The following AURKA variants were observed in gnomAD, a reference collection of about 807,000 sequenced individuals.
AURKA encodes the protein aurora 2.
A neutral mutation model predicts 40.9 loss-of-function variants in AURKA; 12 were observed. The observed-to-expected ratio is 0.29, with a 90% CI of 0.19 to 0.48. AURKA has a LOEUF of 0.48. Ranked by LOEUF, AURKA falls within the 20% of genes least tolerant of loss-of-function variation. The probability of loss-of-function intolerance (pLI) is 0.99; values close to 1 mark genes in which losing one functional copy is unlikely to be tolerated. For missense variants in AURKA, 322 were observed against 462.1 expected (o/e 0.70, Z 2.78); for synonymous variants, 170 against 164.3 (o/e 1.03, Z -0.26).
chr20:56,387,152 GTAT>G (rs1053995896), intron 2 of AURKA, among the ~76,000 whole-genome samples: 1 of 151,982 alleles, frequency 6.6e-6, no homozygotes, highest in South Asian at 2.1e-4. Flanking sequence ...CTACTAAAAT[GTAT>G]TATTATTATT....
intron 6 of AURKA, among the ~76,000 whole-genome samples, chr20:56,378,280 C>A (rs1296060683): frequency 1.3e-5 from 2 of 152,162 alleles, no homozygotes; most frequent in Non-Finnish European, 2.9e-5. Context: ...GAATTGTTAA[C>A]CAGCTGCCCC....
At chr20:56,391,806 C>G (rs937053023) in intron 1 of AURKA, 1 of 152,240 alleles carries the variant, frequency 6.6e-6, no homozygotes, top group Non-Finnish European at 1.5e-5. Flanking sequence ...GTCTCCCCAC[C>G]CACTAGAACG....
At chr20:56,390,588 T>A (rs1986967260) in intron 1 of AURKA, 1 of 152,106 alleles carries the variant, frequency 6.6e-6, no homozygotes. Context: ...ATTACGGGCA[T>A]GAGCCACCGC....
intron 7 of AURKA, 69 bp from the exon 8 acceptor site, chr20:56,370,728 T>A (rs1984044367): frequency 3.9e-6 from 6 of 1,553,890 alleles, no homozygotes; most frequent in Non-Finnish European, 5.3e-6. Context: ...CTAACAATCA[T>A]TAAAGAGTCC....
chr20:56,379,181 A>G (rs147197281), intron 6 of AURKA, among the ~76,000 whole-genome samples: 41 of 152,342 alleles, frequency 2.7e-4, no homozygotes, highest in African/African-American at 9.6e-4. Context: ...TATAAGACAA[A>G]GGCCAAAGGA....
rs971929893 is a variant in AURKA, at chr20:56,369,452, T to TA, written c.*705dup. The TA allele has an allele frequency of 1.7e-5, 4 of 235,552 alleles. No homozygotes were observed. The highest frequency in any genetic ancestry group is 2.5e-5 in the Non-Finnish European group (3 of 119,570). The allele number at this position is 235,552 out of a possible 1,614,324, so 14.6% of individuals were successfully genotyped here. On this transcript the variant is annotated 3_prime_UTR_variant, in exon 9 of 9. Coordinates refer to ENST00000395915, the MANE Select transcript of AURKA (RefSeq NM_198437.3). ...CACACATGCTATGACTCCAATGTTT[T>TA]AAAAAAATAAGCCCTTAACAGCTCT...
intron 6 of AURKA, among the ~76,000 whole-genome samples, chr20:56,378,623 C>G (rs559784103): frequency 5.3e-5 from 8 of 152,172 alleles, no homozygotes; most frequent in Admixed American, 3.9e-4. Context: ...AAACCAGAAG[C>G]AGCCAAGATA....
Position 56,370,030 on chromosome 20 carries a change from A to C in AURKA, c.*128T>G. The C allele has an allele frequency of 8.1e-7, 1 of 1,240,760 alleles. No individual in the cohort carries two copies. 76.9% of individuals were successfully genotyped at this position (1,240,760 alleles called of 1,614,324 possible). On this transcript the variant is annotated 3_prime_UTR_variant, in exon 9 of 9. Coordinates refer to ENST00000395915, the MANE Select transcript of AURKA (RefSeq NM_198437.3). ...GAGGTTAAGGCACACCTGCTGAGTA[A>C]AACAAATATTTCTTGTGTAGCGTTC...
At chr20:56,390,854 T>C (rs1176315516) in intron 1 of AURKA, among the ~76,000 whole-genome samples, 2 of 152,222 alleles carry the variant, frequency 1.3e-5, no homozygotes, top group Non-Finnish European at 2.9e-5. Flanking sequence ...GCTCTAATGC[T>C]TTACTTCCCT....
At chr20:56,385,768 G>C (rs956698457) in intron 3 of AURKA, among the ~76,000 whole-genome samples, 2 of 152,070 alleles carry the variant, frequency 1.3e-5, no homozygotes, top group Non-Finnish European at 2.9e-5. Context: ...GCCTTCCACA[G>C]TAAACTTTCT....
Position 56,373,863 on chromosome 20 carries a change from T to C in AURKA, c.706-307A>G, listed in dbSNP as rs2146143461. ...TACTTGGGAGGCTGAGGCAGGAGGATTGCTTGAGACCAGGAGGTCAAAGCT... is the reference window on the plus strand; with the variant it reads ...TACTTGGGAGGCTGAGGCAGGAGGACTGCTTGAGACCAGGAGGTCAAAGCT... On this transcript the variant is annotated intron_variant, in intron 6 of 8. Coordinates refer to ENST00000395915, the MANE Select transcript of AURKA (RefSeq NM_198437.3). The surrounding 1 kb of genome is among the most constrained non-coding windows in gnomAD (Gnocchi z 5.0). 6.6e-6 allele frequency among the ~76,000 whole-genome samples: 1 copy of C among 152,288 alleles called. No individual in the cohort carries two copies. Among genetic ancestry groups the C allele is most frequent in the East Asian group, 1.9e-4 (1 of 5,176 alleles).
At chr20:56,380,629 G>A (rs1013972814) in intron 6 of AURKA, among the ~76,000 whole-genome samples, 1 of 152,034 alleles carries the variant, frequency 6.6e-6, no homozygotes, top group Non-Finnish European at 1.5e-5. Flanking sequence ...AATACAGCAC[G>A]GAAAGGGGAA....
chr20:56,370,305 T>A lies in AURKA; in HGVS notation c.1065A>T (p.Gly355=), dbSNP rs779596906. 2.5e-6 allele frequency: 4 copies of A among 1,614,208 alleles called. No individual in the cohort carries two copies. The highest frequency in any genetic ancestry group is 3.4e-6 in the Non-Finnish European group (4 of 1,180,046). ...EFTFPDFVTE[G]ARDLISRLLK... ...ACAGTCTTGAAATGAGGTCCCTGGC[T>A]CCCTCTGTTACAAAGTCAGGGAATG... is the stretch of plus-strand genomic sequence containing the variant. Residue 355 remains glycine, a synonymous_variant, in exon 9 of 9, where the codon GGA becomes GGT. Coordinates refer to ENST00000395915, the MANE Select transcript of AURKA (RefSeq NM_198437.3).
chr20:56,380,884 A>T lies in AURKA; in HGVS notation c.705+549T>A, dbSNP rs562026636. ...TATCAATATTGGTTCATTGAATGTG[A>T]CAAATGTGCCATATTAATGCAAGAT... On this transcript the variant is annotated intron_variant, in intron 6 of 8. Transcript: ENST00000395915. Among the ~76,000 whole-genome samples, 3 of 152,354 alleles carry T rather than the reference A, an allele frequency of 2.0e-5. No individual in the cohort carries two copies. The East Asian group carries it at 5.8e-4, about 29-fold the overall frequency.
rs776571850 is a variant in AURKA, at chr20:56,370,500, G to A, written c.1014C>T (p.Tyr338=). Residue 338 remains tyrosine (Y), a synonymous_variant, in exon 8 of 9, where the codon TAC becomes TAT. Coordinates refer to ENST00000395915, the MANE Select transcript of AURKA (RefSeq NM_198437.3). ...PFEANTYQET[Y]KRISRVEFTF... is the part of the protein sequence containing the mutation. Reference sequence around the variant, plus strand: ...TGCGTCTTACCCGTGATATTCTTTTGTAGGTCTCTTGGTATGTGTTTGCCT... The same window carrying A: ...TGCGTCTTACCCGTGATATTCTTTTATAGGTCTCTTGGTATGTGTTTGCCT... 6.2e-7 allele frequency: 1 copy of A among 1,614,160 alleles called. No homozygotes were observed. Among genetic ancestry groups the A allele is most frequent in the Non-Finnish European group, 8.5e-7 (1 of 1,180,038 alleles).
At chr20:56,383,308 C>T in intron 4 of AURKA, 132 bp from the exon 5 acceptor site, 1 of 972,444 alleles carries the variant, frequency 1.0e-6, no homozygotes, top group Non-Finnish European at 1.6e-6. Flanking sequence ...TCAGCAAGAA[C>T]CAAGGCAATA....
chr20:56,374,523 A>G (rs1984672520), intron 6 of AURKA, among the ~76,000 whole-genome samples: 1 of 152,220 alleles, frequency 6.6e-6, no homozygotes, highest in South Asian at 2.1e-4. Context: ...AGCATGTTAA[A>G]TTTTGGGTTA....
At chr20:56,386,142 T>G in intron 3 of AURKA, 115 bp downstream of exon 3, 1 of 1,440,298 alleles carries the variant, frequency 6.9e-7, no homozygotes, top group African/African-American at 1.4e-5. Flanking sequence ...TTTCTCCCCA[T>G]CCTCAACAGA....
At position 56,369,984 on chromosome 20, in the gene AURKA, A is replaced by G. The variant is rs550646656; in HGVS notation, c.*174T>C. On this transcript the variant is annotated 3_prime_UTR_variant, in exon 9 of 9. Transcript: ENST00000395915. ...TCACTTCAGAGTGTCATGTTTATTG[A>G]TGTGGAGCTTTCTGAATAGGGAGGT... The G allele has an allele frequency of 3.8e-5, 29 of 760,812 alleles. No individual in the cohort carries two copies. The South Asian group carries it at 4.3e-4, about 11-fold the overall frequency. 47.1% of individuals were successfully genotyped at this position (760,812 alleles called of 1,614,324 possible).
Sources: gnomAD v4.1 joint callset for allele counts (sites outside exome capture counted in the v4.1 genomes callset) on GRCh38, gnomAD v4.1.1 for gene constraint, Gnocchi (gnomAD v3.1) non-coding constraint, MANE v1.5 for transcripts, NCBI Gene and HGNC (gene_info 2026-07-23, HGNC 2026-07-21) for gene names.